Variants in DLG2 observed in about 807,000 individuals in gnomAD.
DLG2 encodes discs large MAGUK scaffold protein 2.
A neutral mutation model predicts 132.5 loss-of-function variants in DLG2; 45 were observed. The observed-to-expected ratio is 0.34, with a 90% confidence interval of 0.27 to 0.44. The LOEUF (loss-of-function observed/expected upper bound fraction) is 0.44, where lower values mean the gene tolerates loss of function less well. Among genes scored for constraint, DLG2 ranks in the 20% least tolerant of loss-of-function variants. The pLI, the probability that DLG2 is intolerant of heterozygous loss-of-function variation, is 1.00. For synonymous variants in DLG2, 424 were observed against 419.6 expected (o/e 1.01, Z -0.13); for missense variants, 1,045 against 1,196.9 (o/e 0.87, Z 1.87).
At chr11:84,473,094 T>C (rs977077631) in intron 7 of DLG2, among the ~76,000 whole-genome samples, 2 of 151,932 alleles carry the variant, frequency 1.3e-5, no homozygotes, top group Non-Finnish European at 1.5e-5. Flanking sequence ...AGAGTTGTCA[T>C]ATGACTTGTC....
intron 17 of DLG2, among the ~76,000 whole-genome samples, chr11:83,821,340 G>T (rs2050729148): frequency 6.6e-6 from 1 of 152,194 alleles, no homozygotes; most frequent in Admixed American, 6.5e-5. Flanking sequence ...GCATGTGGTG[G>T]AGTGAATGGT....
chr11:84,475,958 G>T (rs542398931), intron 7 of DLG2, among the ~76,000 whole-genome samples: 1 of 152,102 alleles, frequency 6.6e-6, no homozygotes, highest in African/African-American at 2.4e-5. Context: ...AAGTCCGATT[G>T]TATACATCCC....
At chr11:85,482,988 T>A (rs557336524) in intron 3 of DLG2, among the ~76,000 whole-genome samples, 2 of 152,312 alleles carry the variant, frequency 1.3e-5, no homozygotes, top group African/African-American at 4.8e-5. Context: ...ATCTCTCTGA[T>A]ATATAAGATT....
At chr11:83,811,585 G>A (rs2047306797) in intron 17 of DLG2, among the ~76,000 whole-genome samples, 1 of 152,054 alleles carries the variant, frequency 6.6e-6, no homozygotes, top group African/African-American at 2.4e-5. Context: ...GACATTTGCT[G>A]TTTTGATTAA....
intron 6 of DLG2, among the ~76,000 whole-genome samples, chr11:84,573,425 C>T (rs1160054409): frequency 2.0e-5 from 3 of 151,804 alleles, no homozygotes; most frequent in Non-Finnish European, 2.9e-5. Flanking sequence ...CATAAATGAC[C>T]GATTATTAGG....
intron 17 of DLG2, among the ~76,000 whole-genome samples, chr11:83,804,774 TA>T (rs2045486929): frequency 1.3e-5 from 2 of 152,272 alleles, no homozygotes; most frequent in Admixed American, 6.5e-5. Context: ...CTATAACATT[TA>T]ATATATTGCA....
chr11:84,567,273 T>A (rs1202030595), intron 6 of DLG2, among the ~76,000 whole-genome samples: 2 of 152,290 alleles, frequency 1.3e-5, no homozygotes, highest in Non-Finnish European at 2.9e-5. Flanking sequence ...TGACAAAGGA[T>A]TTCTTCTGTA....
intron 6 of DLG2, among the ~76,000 whole-genome samples, chr11:85,089,569 T>G (rs1342769629): frequency 6.6e-6 from 1 of 152,232 alleles, no homozygotes; most frequent in Non-Finnish European, 1.5e-5. Context: ...TTTGCTATTA[T>G]GAATAGTACT....
chr11:83,719,815 A>T (rs1398405930), intron 18 of DLG2, among the ~76,000 whole-genome samples: 1 of 152,194 alleles, frequency 6.6e-6, no homozygotes, highest in East Asian at 1.9e-4. Context: ...TGACTCTATA[A>T]AGAATATAAT....
rs555648240 is a variant in DLG2, at chr11:84,868,163, A to ATAT, written c.357+243495_357+243497dup. Among the ~76,000 whole-genome samples the ATAT allele has an allele frequency of 3.4e-3, 496 of 147,552 alleles. 2 individuals carry two copies. The highest frequency in any genetic ancestry group is 0.012 in the African/African-American group (476 of 40,612). The stretch of plus-strand genomic sequence containing the variant: ...TTATTATTATATTTATTAATATATT[A>ATAT]TATTATTATTATTATTGTTATGGAA... On this transcript the variant is annotated intron_variant, in intron 6 of 27. Coordinates refer to ENST00000376104, the MANE Select transcript of DLG2 (RefSeq NM_001142699.3).
chr11:85,319,531 C>A (rs2080909874), intron 3 of DLG2, among the ~76,000 whole-genome samples: 1 of 151,730 alleles, frequency 6.6e-6, no homozygotes, highest in African/African-American at 2.4e-5. Context: ...TCCTCTATAT[C>A]TTGAAGAAAA....
chr11:84,493,305 T>C (rs1408098168), intron 7 of DLG2, among the ~76,000 whole-genome samples: 4 of 152,078 alleles, frequency 2.6e-5, no homozygotes, highest in Non-Finnish European at 5.9e-5. Flanking sequence ...CACCAAGCAG[T>C]GAAATTAGTT....
At chr11:85,588,635 C>T (rs2079114913) in intron 3 of DLG2, among the ~76,000 whole-genome samples, 1 of 152,046 alleles carries the variant, frequency 6.6e-6, no homozygotes, top group African/African-American at 2.4e-5. Flanking sequence ...TCTGGTATCT[C>T]CTTGAGTAAC....
chr11:83,884,319 G>A (rs563822091), intron 15 of DLG2, among the ~76,000 whole-genome samples: 2 of 152,282 alleles, frequency 1.3e-5, no homozygotes, highest in South Asian at 4.2e-4. Context: ...AGGGTCCTAC[G>A]CCCACAGAGT....
At chr11:84,700,329 CA>C (rs879493226) in intron 6 of DLG2, among the ~76,000 whole-genome samples, 25 of 144,970 alleles carry the variant, frequency 1.7e-4, no homozygotes, top group East Asian at 1.4e-3. Flanking sequence ...ATGCTAAGTG[CA>C]AAAAAAAAAT....
intron 11 of DLG2, among the ~76,000 whole-genome samples, chr11:84,015,589 T>C (rs375841999): frequency 1.3e-5 from 2 of 152,230 alleles, no homozygotes; most frequent in African/African-American, 2.4e-5. Context: ...CATGTGTCCA[T>C]GTGTTCTTAT....
chr11:83,567,686 C>T (rs2096730904), intron 19 of DLG2, among the ~76,000 whole-genome samples: 1 of 152,088 alleles, frequency 6.6e-6, no homozygotes, highest in Admixed American at 6.6e-5. Context: ...GGGAAACCTC[C>T]TTCAGGACCT....
intron 6 of DLG2, among the ~76,000 whole-genome samples, chr11:84,779,903 CCCAGGA>C (rs988211313): frequency 5.4e-5 from 8 of 147,126 alleles, no homozygotes; most frequent in Non-Finnish European, 7.5e-5. Context: ...AAAAAAAAAG[CCCAGGA>C]CCAGGACCAG....
intron 19 of DLG2, among the ~76,000 whole-genome samples, chr11:83,604,867 G>C (rs1047561264): frequency 3.9e-5 from 6 of 152,050 alleles, no homozygotes; most frequent in African/African-American, 1.4e-4. Flanking sequence ...AAATTCAAAG[G>C]GTGTTAAATG....
Sources: gnomAD v4.1 joint callset for allele counts (sites outside exome capture counted in the v4.1 genomes callset) on GRCh38, gnomAD v4.1.1 for gene constraint, MANE v1.5 for transcripts, NCBI Gene and HGNC (gene_info 2026-07-23, HGNC 2026-07-21) for gene names.